The following FOXA1 variants were observed in gnomAD, a reference collection of about 807,000 sequenced individuals.
FOXA1 encodes hepatocyte nuclear factor 3-alpha.
A neutral mutation model predicts 29.2 loss-of-function variants in FOXA1; 9 were observed. That is an observed-to-expected ratio of 0.31 (90% CI 0.19 to 0.54). FOXA1 has a LOEUF of 0.54. Among genes scored for constraint, FOXA1 ranks in the 20% least tolerant of loss-of-function variants. FOXA1 has a pLI of 0.95. For synonymous variants in FOXA1, 340 were observed against 300.9 expected, an observed-to-expected ratio of 1.13 and a Z score of -1.34; for missense variants, 644 against 681.2, an observed-to-expected ratio of 0.95 and a Z score of 0.61.
rs2139182352 is a variant in FOXA1, at chr14:37,592,154, G to A, written c.630C>T (p.Asn210=). 6.2e-7 allele frequency: 1 copy of A among 1,613,602 alleles called. No individual in the cohort carries two copies. Among genetic ancestry groups the A allele is most frequent in the Non-Finnish European group, 8.5e-7 (1 of 1,179,766 alleles). Residue 210 remains asparagine, a synonymous_variant, in exon 2 of 2, where the codon AAC becomes AAT. Transcript: ENST00000250448. The stretch of plus-strand genomic sequence containing the variant: ...GGATGGAGTTCTGCCAGCGCTGCTG[G>A]TTCTGCCGGTAATAGGGGAAGAGGT... ...IMDLFPYYRQ[N]QQRWQNSIRH... is the part of the protein sequence containing the mutation.
At chr14:37,594,864 G>A (rs771001745) in intron 1 of FOXA1, 37 bp downstream of exon 1, 10 of 1,530,594 alleles carry the variant, frequency 6.5e-6, no homozygotes, top group Non-Finnish European at 8.8e-6. Context: ...GGCTCCAGCG[G>A]CGCCCCACCG....
rs1470013088 is a variant in FOXA1 at position 37,595,164 on chromosome 14, C to A, written c.-192G>T. On this transcript the variant is annotated 5_prime_UTR_variant, in exon 1 of 2. Coordinates refer to ENST00000250448, the MANE Select transcript of FOXA1 (RefSeq NM_004496.5). ...GTGCGCGGCGGCGGCGGCGGCGCGGCGGGCGGGGGCAGCGCCGGGGGCAGG... is the reference window on the plus strand; with the variant it reads ...GTGCGCGGCGGCGGCGGCGGCGCGGAGGGCGGGGGCAGCGCCGGGGGCAGG... 5.8e-5 allele frequency: 10 copies of A among 173,094 alleles called. No homozygotes were observed. Among genetic ancestry groups the A allele is most frequent in the Non-Finnish European group, 1.1e-4 (10 of 88,422 alleles). 10.7% of individuals were successfully genotyped at this position (173,094 alleles called of 1,614,324 possible).
In FOXA1 at chr14:37,592,573, G is replaced by T. The variant is rs777725133; in HGVS notation, c.211C>A (p.Pro71Thr). The stretch of plus-strand genomic sequence containing the variant: ...GGACTCAGGCCGGCCCCTAGGCCCG[G>T]GTTGGCATAGGACATGTTGAAGGAC... ...PASFNMSYAN[P>T]GLGAGLSPGA... Residue 71 changes from proline to threonine, a missense_variant, in exon 2 of 2, where the codon CCG (proline) becomes ACG (threonine). Physicochemically the swap from Pro to Thr is conservative, Grantham distance 38. Coordinates refer to ENST00000250448, the MANE Select transcript of FOXA1 (RefSeq NM_004496.5). 13 of 1,614,062 alleles carry T rather than the reference G, an allele frequency of 8.1e-6. No individual in the cohort carries two copies. The Admixed American group carries it at 2.0e-4, about 25-fold the overall frequency.
At position 37,591,379 on chromosome 14, in the gene FOXA1, G is replaced by A; in HGVS notation, c.1405C>T (p.Leu469=). ...YYQGVYSRPV[L]NTS ...AGTCCCGGGAGCTAGGAAGTGTTTA[G>A]GACGGGTCTGGAATACACACCTTGG... is the stretch of plus-strand genomic sequence containing the variant. The change falls in exon 2 of 2, where the codon CTA becomes TTA. Residue 469 remains leucine (L), a synonymous_variant. Transcript: ENST00000250448. The A allele has an allele frequency of 6.2e-7, 1 of 1,613,742 alleles. No homozygotes were observed. The highest frequency in any genetic ancestry group is 8.5e-7 in the Non-Finnish European group (1 of 1,180,034).
In FOXA1 at chr14:37,591,112, C is replaced by A; in HGVS notation, c.*253G>T. The stretch of plus-strand genomic sequence containing the variant: ...GAATTTCATATATACACTTGTGGAT[C>A]ATTAAACTTCGCAGGAAAAAAATTG... On this transcript the variant is annotated 3_prime_UTR_variant, in exon 2 of 2. Transcript: ENST00000250448. The A allele has an allele frequency of 1.8e-6, 1 of 556,936 alleles. No homozygotes were observed. The highest frequency in any genetic ancestry group is 3.1e-5 in the East Asian group (1 of 32,394). 34.5% of individuals were successfully genotyped at this position (556,936 alleles called of 1,614,324 possible).
At chr14:37,594,840 CCTCCCCCGGCACGGG>C in intron 1 of FOXA1, 46 bp downstream of exon 1, 1 of 1,416,176 alleles carries the variant, frequency 7.1e-7, no homozygotes, top group Non-Finnish European at 9.4e-7. Context: ...CGCTCCCCGG[CCTCCCCCGGCACGGG>C]CTCCAGCGGC....
In FOXA1 at chr14:37,592,271, C is replaced by T. The variant is rs748451093; in HGVS notation, c.513G>A (p.Pro171=). 6.2e-7 allele frequency: 1 copy of T among 1,613,506 alleles called. No individual in the cohort carries two copies. The highest frequency in any genetic ancestry group is 8.5e-7 in the Non-Finnish European group (1 of 1,179,656). The change falls in exon 2 of 2, where the codon CCG becomes CCA. Residue 171 remains proline (P), a synonymous_variant. Transcript: ENST00000250448. ...TFKRSYPHAK[P]PYSYISLITM... ...TGATGAGCGAGATGTACGAGTAGGG[C>T]GGCTTGGCGTGCGGGTAGCTGCGCT...
In FOXA1 at chr14:37,594,984, C is replaced by T; in HGVS notation, c.-12G>A. 1.3e-6 allele frequency: 2 copies of T among 1,577,592 alleles called. No individual in the cohort carries two copies. The highest frequency in any genetic ancestry group is 2.3e-5 in the East Asian group (1 of 43,116). On this transcript the variant is annotated 5_prime_UTR_variant, in exon 1 of 2. Transcript: ENST00000250448. ...ACAGTTCCTAACATCCTGGAGCCACCCTGCCCAATACAACCATCCAGCCCT... is the reference window on the plus strand; with the variant it reads ...ACAGTTCCTAACATCCTGGAGCCACTCTGCCCAATACAACCATCCAGCCCT...
intron 1 of FOXA1, chr14:37,594,127 A>G (rs527998033): frequency 1.6e-6 from 2 of 1,288,092 alleles, no homozygotes; most frequent in African/African-American, 3.0e-5. Flanking sequence ...AGGCAGTTCC[A>G]ATACGCGTTT....
chr14:37,594,884 C>T lies in FOXA1; in HGVS notation c.72+17G>A. ...CAGCGGCGCCCCACCGGCCGCCCGC[C>T]TCGCCTTGCCTCTCACCTCCTGCGT... is the stretch of plus-strand genomic sequence containing the variant. On this transcript the variant is annotated intron_variant, in intron 1 of 1. Transcript: ENST00000250448. The T allele has an allele frequency of 1.3e-6, 2 of 1,554,880 alleles. No homozygotes were observed. The highest frequency in any genetic ancestry group is 1.7e-6 in the Non-Finnish European group (2 of 1,144,752).
chr14:37,592,167 T>C lies in FOXA1; in HGVS notation c.617A>G (p.Tyr206Cys), dbSNP rs1470226867. Residue 206 changes from tyrosine to cysteine, a missense_variant, in exon 2 of 2, where the codon TAT (tyrosine) becomes TGT (cysteine). Around this residue, in one of 5 missense-constraint regions of FOXA1, gnomAD observed 309 missense variants for 307.0 expected, o/e 1.01. Coordinates refer to ENST00000250448, the MANE Select transcript of FOXA1 (RefSeq NM_004496.5). Reference protein sequence around the residue: ...IYQWIMDLFPYYRQNQQRWQN... With the variant: ...IYQWIMDLFPCYRQNQQRWQN... ...CCAGCGCTGCTGGTTCTGCCGGTAATAGGGGAAGAGGTCCATGATCCACTG... is the reference window on the plus strand; with the variant it reads ...CCAGCGCTGCTGGTTCTGCCGGTAACAGGGGAAGAGGTCCATGATCCACTG... 6.2e-7 allele frequency: 1 copy of C among 1,613,488 alleles called. No individual in the cohort carries two copies. The highest frequency in any genetic ancestry group is 1.1e-5 in the South Asian group (1 of 91,014).
Position 37,591,467 on chromosome 14 carries a change from T to A in FOXA1, c.1317A>T (p.Leu439=). The change falls in exon 2 of 2, where the codon CTA becomes CTT. Residue 439 remains leucine (L), a synonymous_variant. Transcript: ENST00000250448. ...YGSTLPASLP[L]GSASVTTRSP... ...TCCTGGTGGTCACCGAGGCGCTGCC[T>A]AGAGGCAGGCTGGCGGGCAACGTAG... is the stretch of plus-strand genomic sequence containing the variant. 6.2e-7 allele frequency: 1 copy of A among 1,614,224 alleles called. No homozygotes were observed. Among genetic ancestry groups the A allele is most frequent in the Non-Finnish European group, 8.5e-7 (1 of 1,180,046 alleles).
chr14:37,594,401 T>G (rs758072369), intron 1 of FOXA1: 31 of 1,022,056 alleles, frequency 3.0e-5, no homozygotes, highest in Non-Finnish European at 3.2e-5. Context: ...ATAGGGCTTT[T>G]GAAGAACAAG....
chr14:37,593,520 C>G (rs1361571866), intron 1 of FOXA1, among the ~76,000 whole-genome samples: 1 of 151,642 alleles, frequency 6.6e-6, no homozygotes, highest in African/African-American at 2.4e-5. Flanking sequence ...GCTGATGTTG[C>G]TGCCGATGAT....
In FOXA1 at chr14:37,589,874, T is replaced by C. The variant is rs755974803; in HGVS notation, c.*1491A>G. 1.9e-4 allele frequency: 45 copies of C among 231,132 alleles called. No homozygotes were observed. Among genetic ancestry groups the C allele is most frequent in the Non-Finnish European group, 3.5e-4 (41 of 116,926 alleles). 14.3% of individuals were successfully genotyped at this position (231,132 alleles called of 1,614,324 possible). A position where few individuals can be genotyped will look rare whatever the true frequency, so the allele number is the denominator to read the frequency against. On this transcript the variant is annotated 3_prime_UTR_variant, in exon 2 of 2. Transcript: ENST00000250448. ...TTCATTATAACAACAGACAAAACAA[T>C]TTTATTTTCATTTTTGTCATTTATA...
At position 37,589,960 on chromosome 14, in the gene FOXA1, T is replaced by A; in HGVS notation, c.*1405A>T. 4.3e-6 allele frequency: 1 copy of A among 232,008 alleles called. No individual in the cohort carries two copies. The allele number at this position is 232,008 out of a possible 1,614,324, so 14.4% of individuals were successfully genotyped here. ...AATATTCACTTCGGATTTAGTTAAG[T>A]GAAAAAAAATAACAGAAATGCTCTT... On this transcript the variant is annotated 3_prime_UTR_variant, in exon 2 of 2. Transcript: ENST00000250448.
rs1008561395 is a variant in FOXA1 at position 37,591,227 on chromosome 14, A to C, written c.*138T>G. 2.9e-6 allele frequency: 3 copies of C among 1,044,316 alleles called. No homozygotes were observed. The highest frequency in any genetic ancestry group is 4.3e-6 in the Non-Finnish European group (3 of 701,224). 64.7% of individuals were successfully genotyped at this position (1,044,316 alleles called of 1,614,324 possible). A position where few individuals can be genotyped will look rare whatever the true frequency, so the allele number is the denominator to read the frequency against. ...TTTTGCACTGGGGGAAAGGTTGTGC[A>C]TGAAAAATGAAATAAAAATAGTTGT... On this transcript the variant is annotated 3_prime_UTR_variant, in exon 2 of 2. Coordinates refer to ENST00000250448, the MANE Select transcript of FOXA1 (RefSeq NM_004496.5).
At chr14:37,594,521 G>T in intron 1 of FOXA1, 3 of 332,224 alleles carry the variant, frequency 9.0e-6, no homozygotes, top group Non-Finnish European at 1.3e-5. Context: ...AGGTCGCCTT[G>T]TGGGTATGCT....
intron 1 of FOXA1, chr14:37,594,162 G>A (rs1165383179): frequency 7.8e-7 from 1 of 1,288,444 alleles, no homozygotes; most frequent in East Asian, 5.6e-5. Flanking sequence ...TAAACTTTTG[G>A]AGGGTAATCG....
Sources: allele counts gnomAD v4.1 joint callset (sites outside exome capture counted in the v4.1 genomes callset), GRCh38; gene constraint gnomAD v4.1.1; regional missense constraint gnomAD v4.1.1; transcripts MANE v1.5; gene names NCBI Gene and HGNC (gene_info 2026-07-23, HGNC 2026-07-21).